PCDH12: variants seen among roughly 807,000 people sequenced by gnomAD.
The protein encoded by PCDH12 is protocadherin-12.
PCDH12 carries 45 observed loss-of-function variants against 70.9 expected under a neutral mutation model. That is an observed-to-expected ratio of 0.63 (90% CI 0.50 to 0.81). PCDH12 has a LOEUF of 0.81. Ranked by LOEUF, PCDH12 falls within the 40% of genes least tolerant of loss-of-function variation. The probability of loss-of-function intolerance (pLI) is 0.00; values close to 1 mark genes in which losing one functional copy is unlikely to be tolerated. For synonymous variants in PCDH12, 567 were observed against 626.0 expected (o/e 0.91, Z 1.41); for missense variants, 1,370 against 1,491.7 (o/e 0.92, Z 1.34).
Position 141,957,699 on chromosome 5 carries a change from C to G in PCDH12, c.153G>C (p.Gln51His), listed in dbSNP as rs1421894737. 2 of 1,614,176 alleles carry G rather than the reference C, an allele frequency of 1.2e-6. No homozygotes were observed. The highest frequency in any genetic ancestry group is 1.7e-6 in the Non-Finnish European group (2 of 1,180,020). ...TCCGCCTCTCCTCCCGGCCCAGTTC[C>G]TGGGACAGCTTCCCGATCACTGTAC... ...PSGTVIGKLS[Q>H]ELGREERRRQ... The change falls in exon 1 of 4, where the codon CAG (glutamine) becomes CAC (histidine). Residue 51 changes from glutamine (Q) to histidine (H), a missense_variant. By Grantham distance (24) the Gln-to-His change is conservative. Transcript: ENST00000231484. The surrounding 1 kb of genome is among the most constrained non-coding windows in gnomAD (Gnocchi z 4.3).
chr5:141,949,509 G>C lies in PCDH12; in HGVS notation c.3053C>G (p.Pro1018Arg), dbSNP rs1753029660. The C allele has an allele frequency of 6.2e-7, 1 of 1,614,158 alleles. No homozygotes were observed. Among genetic ancestry groups the C allele is most frequent in the East Asian group, 2.2e-5 (1 of 44,880 alleles). The change falls in exon 3 of 4, where the codon CCT becomes CGT. Residue 1018 changes from proline (P) to arginine (R), a missense_variant. Pro to Arg is a moderately radical substitution (Grantham distance 103). Coordinates refer to ENST00000231484, the MANE Select transcript of PCDH12 (RefSeq NM_016580.4). ...AGAGAGGTCCTCTTCAGGATCCAAA[G>C]GCCCTTCCTCCTGTTCTGGGTCTGT... is the stretch of plus-strand genomic sequence containing the variant. ...GQTDPEQEEGPLDPEEDLSVK... is the reference protein window; with the variant it reads ...GQTDPEQEEGRLDPEEDLSVK...
chr5:141,955,066 C>T lies in PCDH12; in HGVS notation c.2786G>A (p.Arg929His), dbSNP rs373091541. 37 of 1,614,080 alleles carry T rather than the reference C, an allele frequency of 2.3e-5. No homozygotes were observed. The highest frequency in any genetic ancestry group is 1.3e-4 in the South Asian group (12 of 91,092). The change falls in exon 1 of 4, where the codon CGT (arginine) becomes CAT (histidine). Residue 929 changes from arginine to histidine, a missense_variant. By Grantham distance (29) the Arg-to-His change is conservative. Coordinates refer to ENST00000231484, the MANE Select transcript of PCDH12 (RefSeq NM_016580.4). This position sits in a 1 kb window ranked among gnomAD's most constrained non-coding sequence, Gnocchi z 5.5. ...KVSPEKESGP[R>H]QILRSLVRLS... ...CCGGACCAGGCTCCGCAGGATCTGA[C>T]GGGGCCCTGATTCTTTCTCAGGGGA...
intron 3 of PCDH12, among the ~76,000 whole-genome samples, chr5:141,946,959 G>A (rs1752950620): frequency 6.6e-6 from 1 of 151,356 alleles, no homozygotes; most frequent in South Asian, 2.1e-4. Flanking sequence ...GTTTGCCTAA[G>A]GTGAGTTACT....
intron 3 of PCDH12, among the ~76,000 whole-genome samples, chr5:141,946,906 A>T (rs981405130): frequency 4.6e-4 from 21 of 45,656 alleles, no homozygotes; most frequent in Non-Finnish European, 6.9e-4. Flanking sequence ...AAAAAATTAA[A>T]AAAAAAAAAA....
In PCDH12 at chr5:141,954,967, G is replaced by C; in HGVS notation, c.2880+5C>G. 1 of 1,606,134 alleles carries C rather than the reference G, an allele frequency of 6.2e-7. No homozygotes were observed. The highest frequency in any genetic ancestry group is 2.2e-5 in the East Asian group (1 of 44,712). ...CAGAGAAAGAGCTGCCCATGCCCCA[G>C]GTACCTGAACAGGAGGAGAATCCAC... On this transcript the variant is annotated splice_donor_5th_base_variant and intron_variant, in intron 1 of 3. Coordinates refer to ENST00000231484, the MANE Select transcript of PCDH12 (RefSeq NM_016580.4).
Position 141,951,496 on chromosome 5 carries a change from C to T in PCDH12, c.2975G>A (p.Ser992Asn). ...GNKYLAKPGG[S>N]RSAIPDTDGP... The stretch of plus-strand genomic sequence containing the variant: ...GTGGGGGCTACGTGCTGCTTACCTG[C>T]TGCCTCCTGGCTTGGCCAAGTACTT... Residue 992 changes from serine to asparagine, a missense_variant, in exon 2 of 4, where the codon AGC becomes AAC. Transcript: ENST00000231484. 6.2e-7 allele frequency: 1 copy of T among 1,613,728 alleles called. No individual in the cohort carries two copies. The highest frequency in any genetic ancestry group is 8.5e-7 in the Non-Finnish European group (1 of 1,179,662).
rs750043128 is a variant in PCDH12, at chr5:141,955,636, A to T, written c.2216T>A (p.Ile739Asn). ...GTTGTCCTTCTTTTCTGTCCGGCAG[A>T]TGGACATGAACAAAGCCAGGATCAA... ...FGLILALFMS[I>N]CRTEKKDNRA... The change falls in exon 1 of 4, where the codon ATC (isoleucine) becomes AAC (asparagine). Residue 739 changes from isoleucine (I) to asparagine (N), a missense_variant. Physicochemically the swap from Ile to Asn is moderately radical, Grantham distance 149 (BLOSUM62 -3). Transcript: ENST00000231484. This position sits in a 1 kb window ranked among gnomAD's most constrained non-coding sequence, Gnocchi z 5.5. The T allele has an allele frequency of 1.9e-6, 3 of 1,613,990 alleles. No individual in the cohort carries two copies. Among genetic ancestry groups the T allele is most frequent in the African/African-American group, 2.7e-5 (2 of 74,874 alleles).
rs181876508 is a variant in PCDH12 at position 141,952,711 on chromosome 5, T to G, written c.2881-1121A>C. ...TTTTAGACCTCCTCAGACCTCAGTT[T>G]CCTCATCTCTAATAGGGGGCTAGAA... On this transcript the variant is annotated intron_variant, in intron 1 of 3. Transcript: ENST00000231484. The G allele has an allele frequency of 5.3e-5, 8 of 152,356 alleles. No individual in the cohort carries two copies. The East Asian group carries it at 1.5e-3, about 29-fold the overall frequency. The allele number at this position is 152,356 out of a possible 1,614,324, so 9.4% of individuals were successfully genotyped here. A position where few individuals can be genotyped will look rare whatever the true frequency, so the allele number is the denominator to read the frequency against.
chr5:141,958,161 G>T lies in PCDH12; in HGVS notation c.-310C>A. The T allele has an allele frequency of 3.0e-6, 1 of 336,744 alleles. No individual in the cohort carries two copies. The highest frequency in any genetic ancestry group is 5.4e-6 in the Non-Finnish European group (1 of 183,900). The allele number at this position is 336,744 out of a possible 1,614,324, so 20.9% of individuals were successfully genotyped here. ...GCTGGTCTAAGAGGGACCTGACCCAGTTGAGCAGGATGTGGGACTCTGACT... is the reference window on the plus strand; with the variant it reads ...GCTGGTCTAAGAGGGACCTGACCCATTTGAGCAGGATGTGGGACTCTGACT... On this transcript the variant is annotated 5_prime_UTR_variant, in exon 1 of 4. It adds an upstream start codon to the 5' untranslated region. Coordinates refer to ENST00000231484, the MANE Select transcript of PCDH12 (RefSeq NM_016580.4).
At chr5:141,948,699 G>T (rs1022023027) in intron 3 of PCDH12, among the ~76,000 whole-genome samples, 3 of 152,246 alleles carry the variant, frequency 2.0e-5, no homozygotes, top group African/African-American at 7.2e-5. Flanking sequence ...TCAGGGTTTG[G>T]CTCCCCTTCA....
At chr5:141,946,452 T>G (rs1431698085) in intron 3 of PCDH12, among the ~76,000 whole-genome samples, 1 of 152,224 alleles carries the variant, frequency 6.6e-6, no homozygotes, top group East Asian at 1.9e-4. Context: ...GTCTGATGAC[T>G]TTGAAGCCTA....
Position 141,957,106 on chromosome 5 carries a change from A to T in PCDH12, c.746T>A (p.Leu249Gln). ...AGCATCTTCTTGGATTTCCAGTGCC[A>T]GTGAACTCTCAGCAAACGCAGGGCT... Reference protein sequence around the residue: ...DNSPAFAESSLALEIQEDAAP... With the variant: ...DNSPAFAESSQALEIQEDAAP... The change falls in exon 1 of 4, where the codon CTG (leucine) becomes CAG (glutamine). Residue 249 changes from leucine (L) to glutamine (Q), a missense_variant. Transcript: ENST00000231484. The surrounding 1 kb of genome is among the most constrained non-coding windows in gnomAD (Gnocchi z 4.3). 6.2e-7 allele frequency: 1 copy of T among 1,614,176 alleles called. No homozygotes were observed. The highest frequency in any genetic ancestry group is 8.5e-7 in the Non-Finnish European group (1 of 1,180,024).
At chr5:141,951,333 A>G (rs905822533) in intron 2 of PCDH12, among the ~76,000 whole-genome samples, 160 bp downstream of exon 2, 2 of 152,138 alleles carry the variant, frequency 1.3e-5, no homozygotes, top group African/African-American at 2.4e-5. Context: ...TCACCTCACG[A>G]CCAAAACTCC....
At position 141,958,073 on chromosome 5, in the gene PCDH12, A is replaced by C; in HGVS notation, c.-222T>G. On this transcript the variant is annotated 5_prime_UTR_variant, in exon 1 of 4. Transcript: ENST00000231484. ...TGAGATGTCCAAACGCCGATCAAGA[A>C]TTGCCAGGGGAGACCCCCTACTGGG... 1.7e-6 allele frequency: 1 copy of C among 573,228 alleles called. No individual in the cohort carries two copies. Among genetic ancestry groups the C allele is most frequent in the Non-Finnish European group, 3.0e-6 (1 of 329,322 alleles). The allele number at this position is 573,228 out of a possible 1,614,324, so 35.5% of individuals were successfully genotyped here.
intron 2 of PCDH12, among the ~76,000 whole-genome samples, chr5:141,950,696 G>A (rs1000242762): frequency 6.6e-6 from 1 of 152,144 alleles, no homozygotes; most frequent in African/African-American, 2.4e-5. Context: ...AAAAGAAGCT[G>A]TAAGTTGTCA....
In PCDH12 at chr5:141,955,477, C is replaced by T; in HGVS notation, c.2375G>A (p.Gly792Glu). The change falls in exon 1 of 4, where the codon GGG becomes GAG. Residue 792 changes from glycine (G) to glutamate (E), a missense_variant. By Grantham distance (98) the Gly-to-Glu change is moderately conservative. Transcript: ENST00000231484. This position sits in a 1 kb window ranked among gnomAD's most constrained non-coding sequence, Gnocchi z 5.5. ...RGQAGEPCEV[G>E]QSHKDVDKEA... ...CTTGTCCACATCTTTGTGGGACTGC[C>T]CGACTTCACAAGGCTCACCTGCCTG... 1 of 1,614,092 alleles carries T rather than the reference C, an allele frequency of 6.2e-7. No homozygotes were observed. Among genetic ancestry groups the T allele is most frequent in the Non-Finnish European group, 8.5e-7 (1 of 1,179,992 alleles).
chr5:141,943,898 A>G lies in PCDH12; in HGVS notation c.*1483T>C, dbSNP rs1260610247. 2.6e-5 allele frequency: 4 copies of G among 152,148 alleles called. No homozygotes were observed. The highest frequency in any genetic ancestry group is 9.7e-5 in the African/African-American group (4 of 41,418). 9.4% of individuals were successfully genotyped at this position (152,148 alleles called of 1,614,324 possible). A position where few individuals can be genotyped will look rare whatever the true frequency, so the allele number is the denominator to read the frequency against. On this transcript the variant is annotated 3_prime_UTR_variant, in exon 4 of 4. Coordinates refer to ENST00000231484, the MANE Select transcript of PCDH12 (RefSeq NM_016580.4). ...CTGTAAAATGGAATAATGATACCAC[A>G]CTGTATTCCAAGTATGTATGATGCA...
Position 141,956,262 on chromosome 5 carries a change from G to C in PCDH12, c.1590C>G (p.Gly530=), listed in dbSNP as rs150674592. 20 of 1,614,232 alleles carry C rather than the reference G, an allele frequency of 1.2e-5. No homozygotes were observed. The South Asian group carries it at 2.0e-4, about 16-fold the overall frequency. The change falls in exon 1 of 4, where the codon GGC becomes GGG. Residue 530 remains glycine, a synonymous_variant. Transcript: ENST00000231484. ...CCTCTGCGATCACCTGGAACTCAAA[G>C]CCGGCCATCTCTTCATAGTTCAGTG... The part of the protein sequence containing the change: ...QRSLNYEEMA[G]FEFQVIAEDS...
intron 3 of PCDH12, among the ~76,000 whole-genome samples, chr5:141,947,755 C>G (rs895149420): frequency 5.9e-5 from 9 of 152,222 alleles, no homozygotes; most frequent in Non-Finnish European, 1.3e-4. Flanking sequence ...AAATCTGAAG[C>G]AATCTGAAGC....
Sources: gnomAD v4.1 joint callset for allele counts (sites outside exome capture counted in the v4.1 genomes callset) on GRCh38, gnomAD v4.1.1 for gene constraint, Gnocchi (gnomAD v3.1) non-coding constraint, MANE v1.5 for transcripts, NCBI Gene and HGNC (gene_info 2026-07-23, HGNC 2026-07-21) for gene names.